Variants in CNTNAP4 observed in about 807,000 individuals in gnomAD.
CNTNAP4 encodes the protein contactin-associated protein-like 4.
A neutral mutation model predicts 148.4 loss-of-function variants in CNTNAP4; 98 were observed. The observed-to-expected ratio is 0.66, with a 90% CI of 0.56 to 0.78. CNTNAP4 has a LOEUF of 0.78. Among genes scored for constraint, CNTNAP4 ranks in the 30% least tolerant of loss-of-function variants. CNTNAP4 has a pLI of 0.00. For missense variants in CNTNAP4, 1,935 were observed against 1,565.6 expected (o/e 1.24, Z -3.98); for synonymous variants, 730 against 565.1 (o/e 1.29, Z -4.14).
intron 1 of CNTNAP4, among the ~76,000 whole-genome samples, chr16:76,297,149 A>T (rs879555192): frequency 3.9e-5 from 6 of 152,348 alleles, no homozygotes; most frequent in Non-Finnish European, 8.8e-5. Context: ...AGTACAACAA[A>T]ACAAACAACT....
intron 3 of CNTNAP4, among the ~76,000 whole-genome samples, chr16:76,404,594 T>G (rs1453897065): frequency 1.3e-5 from 2 of 152,122 alleles, no homozygotes; most frequent in Admixed American, 1.3e-4. Flanking sequence ...AGTGAGTGTT[T>G]TGAAAATTTG....
At position 76,313,588 on chromosome 16, in the gene CNTNAP4, T is replaced by C. The variant is rs144622972; in HGVS notation, c.86-2825T>C. On this transcript the variant is annotated intron_variant, in intron 1 of 23. Transcript: ENST00000611870. The stretch of plus-strand genomic sequence containing the variant: ...CAACTGGATTGGCTGGCTTTAGTAC[T>C]TAAGCTAGTCAGTAGACATGCAGGA... 2.1e-4 allele frequency among the ~76,000 whole-genome samples: 32 copies of C among 152,304 alleles called. No homozygotes were observed. In the East Asian group the frequency reaches 5.4e-3, roughly 26 times the overall value.
chr16:76,386,409 C>T (rs555646010), intron 3 of CNTNAP4, among the ~76,000 whole-genome samples: 1 of 152,238 alleles, frequency 6.6e-6, no homozygotes, highest in East Asian at 1.9e-4. Flanking sequence ...TGCTTGCTCT[C>T]AGTTTGGGGT....
chr16:76,471,276 G>A lies in CNTNAP4; in HGVS notation c.1655+3753G>A, dbSNP rs536329260. Among the ~76,000 whole-genome samples, 503 of 152,294 alleles carry A rather than the reference G, an allele frequency of 3.3e-3. 1 individual carries two copies. Among genetic ancestry groups the A allele is most frequent in the Middle Eastern group, 6.8e-3 (2 of 294 alleles). On this transcript the variant is annotated intron_variant, in intron 10 of 23. Coordinates refer to ENST00000611870, the MANE Select transcript of CNTNAP4 (RefSeq NM_033401.5). Reference sequence around the variant, plus strand: ...GTCCTCACATCTGGGGCTGAAATGTGAGTGGGGCTGGGGCAGGAGTGATGG... The same window carrying A: ...GTCCTCACATCTGGGGCTGAAATGTAAGTGGGGCTGGGGCAGGAGTGATGG...
chr16:76,460,602 A>C (rs1439182905), intron 8 of CNTNAP4, among the ~76,000 whole-genome samples: 2 of 147,532 alleles, frequency 1.4e-5, no homozygotes, highest in South Asian at 2.2e-4. Flanking sequence ...TCTACTAAAA[A>C]TACAAAAAAA....
intron 2 of CNTNAP4, among the ~76,000 whole-genome samples, chr16:76,353,096 T>C (rs1360858005): frequency 1.3e-5 from 2 of 151,920 alleles, no homozygotes; most frequent in Admixed American, 1.3e-4. Context: ...ACAGAGAAAA[T>C]TAAAAGTCAA....
At chr16:76,553,602 T>C (rs2085062887) in intron 22 of CNTNAP4, 101 bp downstream of exon 22, 12 of 872,122 alleles carry the variant, frequency 1.4e-5, no homozygotes, top group Non-Finnish European at 2.1e-5. Context: ...CAAGATGGCT[T>C]CTTAAAGTTG....
intron 15 of CNTNAP4, among the ~76,000 whole-genome samples, chr16:76,514,979 G>T (rs1333193405): frequency 6.6e-6 from 1 of 151,946 alleles, no homozygotes; most frequent in East Asian, 1.9e-4. Context: ...AAGGCTTGTT[G>T]GAATTTTATA....
intron 3 of CNTNAP4, among the ~76,000 whole-genome samples, chr16:76,383,679 T>A (rs2016225615): frequency 6.6e-6 from 1 of 152,170 alleles, no homozygotes; most frequent in Non-Finnish European, 1.5e-5. Flanking sequence ...ATTGTGAAAT[T>A]TTAGATGTGA....
intron 3 of CNTNAP4, among the ~76,000 whole-genome samples, chr16:76,372,657 A>G (rs1350045609): frequency 6.6e-6 from 1 of 151,944 alleles, no homozygotes. Flanking sequence ...CATGTAAGAC[A>G]TGCCTTCTGC....
At chr16:76,334,634 A>G (rs866958867) in intron 2 of CNTNAP4, among the ~76,000 whole-genome samples, 6 of 152,160 alleles carry the variant, frequency 3.9e-5, no homozygotes, top group Non-Finnish European at 7.4e-5. Context: ...ACAAAGTTGT[A>G]TTTCTAATAG....
chr16:76,278,018 C>G (rs886482499), intron 1 of CNTNAP4, among the ~76,000 whole-genome samples: 1 of 152,156 alleles, frequency 6.6e-6, no homozygotes, highest in Non-Finnish European at 1.5e-5. Flanking sequence ...TGCCCAAGTT[C>G]TAGTAAAACA....
intron 4 of CNTNAP4, among the ~76,000 whole-genome samples, chr16:76,442,343 T>C (rs1203853554): frequency 6.6e-6 from 1 of 152,180 alleles, no homozygotes; most frequent in Non-Finnish European, 1.5e-5. Flanking sequence ...TCCAGAATTG[T>C]AAGATAATAA....
intron 11 of CNTNAP4, 63 bp from the exon 12 acceptor site, chr16:76,479,356 C>T (rs888065378): frequency 2.3e-5 from 32 of 1,416,364 alleles, no homozygotes; most frequent in Admixed American, 4.6e-5. Context: ...ATTTCATGTC[C>T]AAATTAAAAG....
At chr16:76,335,261 C>T (rs957623219) in intron 2 of CNTNAP4, among the ~76,000 whole-genome samples, 8 of 152,038 alleles carry the variant, frequency 5.3e-5, no homozygotes, top group Non-Finnish European at 1.2e-4. Flanking sequence ...ATAATAATTC[C>T]CTCAGAGGCT....
intron 15 of CNTNAP4, among the ~76,000 whole-genome samples, chr16:76,517,828 G>A (rs1312696217): frequency 6.6e-6 from 1 of 151,880 alleles, no homozygotes; most frequent in Non-Finnish European, 1.5e-5. Flanking sequence ...TCCCTCGATC[G>A]CTCCATCTCC....
At chr16:76,349,564 TA>T (rs1420168812) in intron 2 of CNTNAP4, among the ~76,000 whole-genome samples, 1 of 152,162 alleles carries the variant, frequency 6.6e-6, no homozygotes, top group Non-Finnish European at 1.5e-5. Context: ...TCCATTTCCT[TA>T]CATTATTATA....
chr16:76,339,055 G>A (rs539264683), intron 2 of CNTNAP4, among the ~76,000 whole-genome samples: 33 of 152,246 alleles, frequency 2.2e-4, no homozygotes, highest in African/African-American at 7.7e-4. Context: ...TAAGCCCTTC[G>A]ACACAGTAGT....
At chr16:76,493,373 G>A (rs1179981974) in intron 13 of CNTNAP4, among the ~76,000 whole-genome samples, 1 of 152,114 alleles carries the variant, frequency 6.6e-6, no homozygotes, top group Non-Finnish European at 1.5e-5. Context: ...AGTCATTTAG[G>A]AAAGTAATTA....
Sources: allele counts gnomAD v4.1 joint callset (sites outside exome capture counted in the v4.1 genomes callset), GRCh38; gene constraint gnomAD v4.1.1; transcripts MANE v1.5; gene names NCBI Gene and HGNC (gene_info 2026-07-23, HGNC 2026-07-21).